Variants in TRAP1 observed in about 807,000 individuals in gnomAD.
TRAP1 encodes heat shock protein 75 kDa, mitochondrial.
A neutral mutation model predicts 89.1 loss-of-function variants in TRAP1; 102 were observed. That is an observed-to-expected ratio of 1.15 (90% CI 0.98 to 1.35). The LOEUF is 1.35. TRAP1 is among the 40% of genes most tolerant of loss of function. The pLI is 0.00. For missense variants in TRAP1, 1,256 were observed against 945.3 expected (o/e 1.33, Z -4.31); for synonymous variants, 508 against 388.0 (o/e 1.31, Z -3.64).
chr16:3,663,339 C>T (rs1281535480), intron 14 of TRAP1, 85 bp downstream of exon 14: 19 of 1,567,816 alleles, frequency 1.2e-5, no homozygotes, highest in African/African-American at 2.7e-5. Flanking sequence ...CTGACGAAAA[C>T]CCAAAGGAAG....
Position 3,671,740 on chromosome 16 carries a change from T to G in TRAP1, c.1217A>C (p.Gln406Pro). 6.2e-7 allele frequency: 1 copy of G among 1,613,158 alleles called. No homozygotes were observed. The highest frequency in any genetic ancestry group is 8.5e-7 in the Non-Finnish European group (1 of 1,180,024). Residue 406 changes from glutamine to proline, a missense_variant, in exon 11 of 18, where the codon CAG (glutamine) becomes CCG (proline). Gln to Pro is a moderately conservative substitution (Grantham distance 76). Coordinates refer to ENST00000246957, the MANE Select transcript of TRAP1 (RefSeq NM_016292.3). ...IPLNLSRELLQESALIRKLRD... is the reference protein window; with the variant it reads ...IPLNLSRELLPESALIRKLRD... ...GGCTCACCTGATGAGTGCGCTCTCC[T>G]GCAGCAGCTCCCGGCTGAGGTTCAG...
chr16:3,663,501 T>C lies in TRAP1; in HGVS notation c.1631A>G (p.Lys544Arg), dbSNP rs1394621043. ...CGTCTCCACAGAGATCAGCTTCTTC[T>C]TGTCAAACTCACGAAGGTGCAGCAG... ...LTLLHLREFD[K>R]KKLISVETDI... Residue 544 changes from lysine to arginine, a missense_variant, in exon 14 of 18, where the codon AAG (lysine) becomes AGG (arginine). By Grantham distance (26) the Lys-to-Arg change is conservative. Coordinates refer to ENST00000246957, the MANE Select transcript of TRAP1 (RefSeq NM_016292.3). The C allele has an allele frequency of 6.2e-7, 1 of 1,614,048 alleles. No homozygotes were observed. Among genetic ancestry groups the C allele is most frequent in the Non-Finnish European group, 8.5e-7 (1 of 1,180,032 alleles).
chr16:3,658,736 A>G, intron 17 of TRAP1, 57 bp downstream of exon 17: 1 of 1,531,618 alleles, frequency 6.5e-7, no homozygotes, highest in Non-Finnish European at 9.0e-7. Flanking sequence ...CCCTGAAGGC[A>G]GGCTGGCAGG....
intron 1 of TRAP1, among the ~76,000 whole-genome samples, chr16:3,697,112 C>T (rs1225945100): frequency 3.9e-5 from 6 of 152,184 alleles, no homozygotes; most frequent in Admixed American, 1.3e-4. Context: ...CAGCAATGTA[C>T]TAAAGTGCAT....
At chr16:3,695,241 C>A (rs1596738346) in intron 1 of TRAP1, among the ~76,000 whole-genome samples, 1 of 152,146 alleles carries the variant, frequency 6.6e-6, no homozygotes, top group African/African-American at 2.4e-5. Context: ...CAACCCCCAA[C>A]CAGCATATGT....
In TRAP1 at chr16:3,711,382, C is replaced by T. The variant is rs375553093; in HGVS notation, c.88+6039G>A. 1.2e-4 allele frequency among the ~76,000 whole-genome samples: 18 copies of T among 152,010 alleles called. No homozygotes were observed. The East Asian group carries it at 3.3e-3, about 28-fold the overall frequency. ...TTGGGAGGCCGAGGCAGGCAGATCA[C>T]AAGGTCAGAAGTTCAAGACCAGCCT... On this transcript the variant is annotated intron_variant, in intron 1 of 17. Coordinates refer to ENST00000246957, the MANE Select transcript of TRAP1 (RefSeq NM_016292.3).
chr16:3,710,879 A>ATATATATATATT (rs71133652), intron 1 of TRAP1, among the ~76,000 whole-genome samples: 2 of 125,800 alleles, frequency 1.6e-5, no homozygotes, highest in East Asian at 2.4e-4. Context: ...ATATATATAT[A>ATATATATATATT]TTTTTTTTTT....
chr16:3,677,315 CAG>C (rs923422436), intron 6 of TRAP1, among the ~76,000 whole-genome samples, 181 bp downstream of exon 6: 1 of 152,154 alleles, frequency 6.6e-6, no homozygotes, highest in Non-Finnish European at 1.5e-5. Flanking sequence ...TGGGACCAGA[CAG>C]GTGCCATAGG....
At position 3,680,820 on chromosome 16, in the gene TRAP1, C is replaced by T. The variant is rs1032919924; in HGVS notation, c.472-1030G>A. 3.5e-4 allele frequency among the ~76,000 whole-genome samples: 53 copies of T among 152,190 alleles called. 1 individual carries two copies. The highest frequency in any genetic ancestry group is 1.3e-4 in the Non-Finnish European group (9 of 68,030). On this transcript the variant is annotated intron_variant, in intron 4 of 17. Coordinates refer to ENST00000246957, the MANE Select transcript of TRAP1 (RefSeq NM_016292.3). ...TGAGGGAGCTTGCCTGCCCCTTCCA[C>T]CTTCTGTATGAAGATGCAAGAGGCA...
chr16:3,677,394 A>T (rs748283647), intron 6 of TRAP1, 104 bp downstream of exon 6: 10 of 1,475,418 alleles, frequency 6.8e-6, no homozygotes, highest in Non-Finnish European at 9.3e-6. Context: ...TAAAAAGCCC[A>T]GAAAATGCCT....
chr16:3,672,193 G>A lies in TRAP1; in HGVS notation c.1166-402C>T, dbSNP rs532083453. 9.9e-5 allele frequency among the ~76,000 whole-genome samples: 15 copies of A among 152,168 alleles called. No homozygotes were observed. The East Asian group carries it at 1.5e-3, about 16-fold the overall frequency. The stretch of plus-strand genomic sequence containing the variant: ...TCTACTAAAAATACAAAAATTAGCC[G>A]GGTGTGGTGGCGGGCGCCTGTAATC... On this transcript the variant is annotated intron_variant, in intron 10 of 17. Coordinates refer to ENST00000246957, the MANE Select transcript of TRAP1 (RefSeq NM_016292.3).
At chr16:3,711,105 A>C (rs2051525680) in intron 1 of TRAP1, among the ~76,000 whole-genome samples, 1 of 151,216 alleles carries the variant, frequency 6.6e-6, no homozygotes, top group Admixed American at 6.6e-5. Flanking sequence ...TCAAACTCCT[A>C]AACTCACAGG....
chr16:3,677,021 T>G (rs1425627293), intron 6 of TRAP1: 1 of 150,286 alleles, frequency 6.7e-6, no homozygotes, highest in African/African-American at 2.7e-5. Flanking sequence ...GCCATTGCAC[T>G]CCAGCCTAGG....
chr16:3,696,076 A>T (rs1262417190), intron 1 of TRAP1, among the ~76,000 whole-genome samples: 1 of 152,192 alleles, frequency 6.6e-6, no homozygotes, highest in Admixed American at 6.6e-5. Context: ...CACTTAGGCT[A>T]CAGAGAGCAA....
At position 3,674,363 on chromosome 16, in the gene TRAP1, G is replaced by A. The variant is rs983484392; in HGVS notation, c.1020C>T (p.Arg340=). 1 of 1,613,958 alleles carries A rather than the reference G, an allele frequency of 6.2e-7. No homozygotes were observed. Among genetic ancestry groups the A allele is most frequent in the Non-Finnish European group, 8.5e-7 (1 of 1,180,040 alleles). Residue 340 remains arginine (R), a synonymous_variant, in exon 9 of 18, where the codon CGC becomes CGT. Coordinates refer to ENST00000246957, the MANE Select transcript of TRAP1 (RefSeq NM_016292.3). ...CCATGTCGGGCACGTAGAAGATGCT[G>A]CGGATGTTGAGCGGTGCGTCCGTCT... ...HYKTDAPLNI[R]SIFYVPDMKP... is the part of the protein sequence containing the mutation.
intron 1 of TRAP1, among the ~76,000 whole-genome samples, chr16:3,715,642 G>C (rs903063051): frequency 6.6e-6 from 1 of 151,844 alleles, no homozygotes; most frequent in Non-Finnish European, 1.5e-5. Context: ...CAAAAGAAAC[G>C]AGAACCAAAT....
chr16:3,663,372 GC>G, intron 14 of TRAP1, 51 bp downstream of exon 14: 2 of 1,609,908 alleles, frequency 1.2e-6, no homozygotes, highest in Non-Finnish European at 1.7e-6. Flanking sequence ...GGCAGGAGAG[GC>G]GTGCGGGGAG....
intron 3 of TRAP1, among the ~76,000 whole-genome samples, chr16:3,687,863 CA>C (rs200270261): frequency 5.8e-4 from 65 of 112,334 alleles, no homozygotes; most frequent in African/African-American, 7.9e-4. Context: ...ATTAAAAAAC[CA>C]AAAAAAAAAA....
At chr16:3,675,647 G>C (rs1042930087) in intron 7 of TRAP1, among the ~76,000 whole-genome samples, 7 of 152,226 alleles carry the variant, frequency 4.6e-5, no homozygotes, top group Admixed American at 2.0e-4. Context: ...ATGTCAGCTT[G>C]TGGCTGGAAC....
Sources: gnomAD v4.1 joint callset for allele counts (sites outside exome capture counted in the v4.1 genomes callset) on GRCh38, gnomAD v4.1.1 for gene constraint, MANE v1.5 for transcripts, NCBI Gene and HGNC (gene_info 2026-07-23, HGNC 2026-07-21) for gene names.